The following TP53BP1 variants were observed in gnomAD, a reference collection of about 807,000 sequenced individuals.
TP53BP1 encodes the protein tumor protein p53 binding protein 1.
In TP53BP1, 61 loss-of-function variants were observed where a neutral mutation model predicts 200.8. The observed-to-expected ratio is 0.30, with a 90% confidence interval of 0.25 to 0.38. The LOEUF (loss-of-function observed/expected upper bound fraction) is 0.38. TP53BP1 is among the 10% of genes least tolerant of loss of function. TP53BP1 has a pLI of 1.00. For missense variants in TP53BP1, 2,144 were observed against 2,371.9 expected (o/e 0.90, Z 2.00); for synonymous variants, 822 against 844.3 (o/e 0.97, Z 0.46).
At chr15:43,453,828 A>T (rs1045836465) in intron 12 of TP53BP1, among the ~76,000 whole-genome samples, 11 of 149,442 alleles carry the variant, frequency 7.4e-5, no homozygotes, top group Admixed American at 5.3e-4. Flanking sequence ...TACAGGCGTG[A>T]GCCACCGCAC....
Position 43,456,066 on chromosome 15 carries a change from G to A in TP53BP1, c.2542C>T (p.Pro848Ser). The A allele has an allele frequency of 6.2e-7, 1 of 1,614,166 alleles. No individual in the cohort carries two copies. Among genetic ancestry groups the A allele is most frequent in the Non-Finnish European group, 8.5e-7 (1 of 1,180,036 alleles). ...TGCAACTCCTGGTCAAGTCTTAAAG[G>A]ATCATCTGCTCTCACTAAAGGTAAG... ...PSLPLVRADDPLRLDQELQQP... is the reference protein window; with the variant it reads ...PSLPLVRADDSLRLDQELQQP... The change falls in exon 12 of 28, where the codon CCT becomes TCT. Residue 848 changes from proline (P) to serine (S), a missense_variant. Coordinates refer to ENST00000382044, the MANE Select transcript of TP53BP1 (RefSeq NM_001141980.3).
Position 43,406,374 on chromosome 15 carries a change from C to G in TP53BP1, c.*1009G>C. 1 of 319,116 alleles carries G rather than the reference C, an allele frequency of 3.1e-6. No individual in the cohort carries two copies. Among genetic ancestry groups the G allele is most frequent in the Non-Finnish European group, 6.2e-6 (1 of 161,350 alleles). 19.8% of individuals were successfully genotyped at this position (319,116 alleles called of 1,614,324 possible). ...CTGGGAAGCTCTGACAACTTATTCCCTGCTATTATCAACTAAAGATCACCC... is the reference window on the plus strand; with the variant it reads ...CTGGGAAGCTCTGACAACTTATTCCGTGCTATTATCAACTAAAGATCACCC... On this transcript the variant is annotated 3_prime_UTR_variant, in exon 28 of 28. Transcript: ENST00000382044.
chr15:43,462,186 G>T (rs975053499), intron 11 of TP53BP1, among the ~76,000 whole-genome samples: 2 of 91,158 alleles, frequency 2.2e-5, no homozygotes, highest in African/African-American at 9.0e-5. Flanking sequence ...ACAAAAATTT[G>T]CCAGACACGT....
At chr15:43,473,908 G>A (rs528912766) in intron 10 of TP53BP1, among the ~76,000 whole-genome samples, 1 of 152,370 alleles carries the variant, frequency 6.6e-6, no homozygotes, top group South Asian at 2.1e-4. Flanking sequence ...ATGGGACTAG[G>A]TGCCGTGGAG....
Position 43,438,307 on chromosome 15 carries a change from A to G in TP53BP1, c.3191+17T>C. The stretch of plus-strand genomic sequence containing the variant: ...GAACCAATGGAGCCCAAAAGATTCT[A>G]TAAAAATAATGCTTACCTGATGGGT... On this transcript the variant is annotated intron_variant, in intron 16 of 27. Coordinates refer to ENST00000382044, the MANE Select transcript of TP53BP1 (RefSeq NM_001141980.3). The G allele has an allele frequency of 1.2e-6, 2 of 1,610,288 alleles. No individual in the cohort carries two copies. The highest frequency in any genetic ancestry group is 1.1e-5 in the South Asian group (1 of 90,530).
intron 7 of TP53BP1, among the ~76,000 whole-genome samples, chr15:43,478,530 G>A (rs45490798): frequency 0.011 from 1,707 of 152,246 alleles, 25 homozygotes; most frequent in African/African-American, 0.039. Context: ...CAAACTGGAA[G>A]CATCCCAGTT....
At position 43,474,744 on chromosome 15, in the gene TP53BP1, G is replaced by A. The variant is rs779255602; in HGVS notation, c.1109C>T (p.Pro370Leu). 10 of 1,612,402 alleles carry A rather than the reference G, an allele frequency of 6.2e-6. No individual in the cohort carries two copies. The South Asian group carries it at 1.1e-4, about 18-fold the overall frequency. The change falls in exon 10 of 28, where the codon CCT becomes CTT. Residue 370 changes from proline (P) to leucine (L), a missense_variant. Around this residue, in one of 4 missense-constraint regions of TP53BP1, gnomAD observed 1,700 missense variants for 1,710.3 expected, o/e 0.99. Coordinates refer to ENST00000382044, the MANE Select transcript of TP53BP1 (RefSeq NM_001141980.3). Reference sequence around the variant, plus strand: ...AGTAGATCGGAAAGCATCAGGAGAAGGAGCAACAAGATCTGAAGAATTCCT... The same window carrying A: ...AGTAGATCGGAAAGCATCAGGAGAAAGAGCAACAAGATCTGAAGAATTCCT... ...LSTNSSDLVA[P>L]SPDAFRSTPF...
intron 23 of TP53BP1, among the ~76,000 whole-genome samples, chr15:43,414,639 T>C (rs914876846): frequency 3.3e-5 from 5 of 152,076 alleles, no homozygotes; most frequent in African/African-American, 9.6e-5. Context: ...CTTTCTTAAT[T>C]ATTGAATGCT....
chr15:43,471,915 T>C (rs941635543), intron 10 of TP53BP1, among the ~76,000 whole-genome samples: 15 of 152,232 alleles, frequency 9.9e-5, no homozygotes, highest in African/African-American at 1.7e-4. Context: ...TATGCTTAGA[T>C]TGATATTAGT....
At chr15:43,501,895 A>G (rs1253442798) in intron 1 of TP53BP1, among the ~76,000 whole-genome samples, 2 of 152,226 alleles carry the variant, frequency 1.3e-5, no homozygotes, top group Non-Finnish European at 2.9e-5. Context: ...GTTGCTATGA[A>G]CATTTATAAA....
At chr15:43,467,450 G>T (rs2046612706) in intron 11 of TP53BP1, among the ~76,000 whole-genome samples, 1 of 152,278 alleles carries the variant, frequency 6.6e-6, no homozygotes, top group East Asian at 1.9e-4. Flanking sequence ...AAAGAAACCT[G>T]ATTAGAGTCA....
rs765428343 is a variant in TP53BP1 at position 43,420,532 on chromosome 15, G to A, written c.4454C>T (p.Ser1485Phe). 45 of 1,614,154 alleles carry A rather than the reference G, an allele frequency of 2.8e-5. No individual in the cohort carries two copies. The South Asian group carries it at 3.7e-4, about 13-fold the overall frequency. ...CCCTACAAAGCTATTTCCTGGAGAG[G>A]AGGCATCTAAGCCATCAGAAGGGCC... ...AAGPSDGLDA[S>F]SPGNSFVGLR... Residue 1485 changes from serine to phenylalanine, a missense_variant, in exon 21 of 28, where the codon TCC becomes TTC. Ser to Phe is a radical substitution (Grantham distance 155). Around this residue, in one of 4 missense-constraint regions of TP53BP1, gnomAD observed 49 missense variants for 60.7 expected, o/e 0.81. Coordinates refer to ENST00000382044, the MANE Select transcript of TP53BP1 (RefSeq NM_001141980.3).
intron 21 of TP53BP1, among the ~76,000 whole-genome samples, chr15:43,418,881 A>C (rs1307968157): frequency 3.3e-5 from 5 of 152,234 alleles, no homozygotes; most frequent in African/African-American, 9.6e-5. Flanking sequence ...GCTAAGCTTT[A>C]AAAAAGAAGA....
intron 4 of TP53BP1, among the ~76,000 whole-genome samples, chr15:43,482,978 T>C (rs1358894017): frequency 6.6e-6 from 1 of 152,090 alleles, no homozygotes; most frequent in East Asian, 1.9e-4. Flanking sequence ...TGAACCTGAA[T>C]TGGATCTTAG....
intron 13 of TP53BP1, chr15:43,446,802 T>C: frequency 6.7e-7 from 1 of 1,499,710 alleles, no homozygotes; most frequent in Non-Finnish European, 9.0e-7. Flanking sequence ...CAGTTCCACT[T>C]CTGCATCTGG....
chr15:43,445,377 T>C (rs1479937736), intron 14 of TP53BP1, among the ~76,000 whole-genome samples: 3 of 152,192 alleles, frequency 2.0e-5, no homozygotes, highest in Non-Finnish European at 4.4e-5. Context: ...TAGGCTTCCA[T>C]GGCTTCATAT....
At chr15:43,466,194 C>T (rs1244229181) in intron 11 of TP53BP1, among the ~76,000 whole-genome samples, 1 of 152,100 alleles carries the variant, frequency 6.6e-6, no homozygotes, top group African/African-American at 2.4e-5. Context: ...AGAATCTCCA[C>T]GGATGACAGT....
chr15:43,440,338 C>T (rs1246487762), intron 15 of TP53BP1, among the ~76,000 whole-genome samples: 5 of 151,802 alleles, frequency 3.3e-5, no homozygotes, highest in African/African-American at 1.2e-4. Flanking sequence ...GGTGAAACCC[C>T]GTCTCCACTA....
chr15:43,449,728 T>C (rs902651198), intron 12 of TP53BP1, among the ~76,000 whole-genome samples: 7 of 152,214 alleles, frequency 4.6e-5, no homozygotes, highest in African/African-American at 1.4e-4. Flanking sequence ...CTAGAAAACA[T>C]GGCTTTGTTA....
Sources: allele counts gnomAD v4.1 joint callset (sites outside exome capture counted in the v4.1 genomes callset), GRCh38; gene constraint gnomAD v4.1.1; regional missense constraint gnomAD v4.1.1; transcripts MANE v1.5; gene names NCBI Gene and HGNC (gene_info 2026-07-23, HGNC 2026-07-21).